TTC6: variants seen among roughly 807,000 people sequenced by gnomAD.
TTC6 encodes the protein tetratricopeptide repeat protein 6.
In TTC6, 172 loss-of-function variants were observed where a neutral mutation model predicts 210.4. The observed-to-expected ratio is 0.82, with a 90% CI of 0.72 to 0.93. The LOEUF is 0.93. TTC6 is among the 40% of genes least tolerant of loss of function. The pLI is 0.00. For missense variants in TTC6, 2,414 were observed against 2,318.1 expected (o/e 1.04, Z -0.85); for synonymous variants, 804 against 819.6 (o/e 0.98, Z 0.32).
At chr14:37,744,152 A>G (rs907702017) in intron 10 of TTC6, among the ~76,000 whole-genome samples, 2 of 152,186 alleles carry the variant, frequency 1.3e-5, no homozygotes, top group African/African-American at 2.4e-5. Flanking sequence ...GAATTCAGCA[A>G]CAATTTGATG....
chr14:37,696,624 G>A (rs1157062777), intron 3 of TTC6, 93 bp from the exon 6 acceptor site: 2 of 517,494 alleles, frequency 3.9e-6, no homozygotes, highest in African/African-American at 4.0e-5. Flanking sequence ...GAAATCTGGA[G>A]TTTAAATATT....
At position 37,598,984 on chromosome 14, in the gene TTC6, G is replaced by C. The variant is rs1428874073; in HGVS notation, c.-235+2976G>C. The stretch of plus-strand genomic sequence containing the variant: ...AGTCCTCCTTCTGCAGGGGAGAATC[G>C]GATGCAATGAAACTAAGACCTGTGG... On this transcript the variant is annotated intron_variant, in intron 1 of 2. Coordinates refer to the TTC6 transcript ENST00000556845. This position sits in a 1 kb window ranked among gnomAD's most constrained non-coding sequence, Gnocchi z 4.9. Among the ~76,000 whole-genome samples the C allele has an allele frequency of 6.9e-6, 1 of 144,936 alleles. No individual in the cohort carries two copies. The highest frequency in any genetic ancestry group is 1.5e-5 in the Non-Finnish European group (1 of 67,322).
intron 1 of TTC6, among the ~76,000 whole-genome samples, chr14:37,602,311 T>G (rs1328759784): frequency 6.6e-6 from 1 of 152,234 alleles, no homozygotes; most frequent in Non-Finnish European, 1.5e-5. Context: ...TACAAAGTAT[T>G]TTATTCTACA....
intron 20 of TTC6, among the ~76,000 whole-genome samples, chr14:37,800,152 C>T (rs575463397): frequency 1.3e-5 from 2 of 152,190 alleles, no homozygotes; most frequent in East Asian, 1.9e-4. Flanking sequence ...GCTTCAATCA[C>T]CTCAAACAGA....
At position 37,727,542 on chromosome 14, in the gene TTC6, C is replaced by T. The variant is rs546365327; in HGVS notation, c.1818+2540C>T. 6.4e-3 allele frequency among the ~76,000 whole-genome samples: 136 copies of T among 21,364 alleles called. 1 individual carries two copies. The highest frequency in any genetic ancestry group is 0.016 in the African/African-American group (134 of 8,524). 14.0% of individuals were successfully genotyped at this position (21,364 alleles called of 152,430 possible). On this transcript the variant is annotated intron_variant, in intron 7 of 30. Transcript: ENST00000553443. ...TCTCCTGACCTTGTGATCCGCCCGC[C>T]TTGGCCTCCCAAAGTTCTGGGATTA...
At chr14:37,603,395 A>G (rs1198356735) in intron 1 of TTC6, among the ~76,000 whole-genome samples, 1 of 152,200 alleles carries the variant, frequency 6.6e-6, no homozygotes, top group Non-Finnish European at 1.5e-5. Flanking sequence ...AACCCGTGTG[A>G]ACCTAAGAAG....
chr14:37,738,821 C>T (rs996820187), exon 10 of TTC6: 63 of 1,529,936 alleles, frequency 4.1e-5, no homozygotes, highest in Non-Finnish European at 5.4e-5. Flanking sequence ...GATCATAGCT[C>T]CTTTGGAAAT....
chr14:37,661,448 T>A (rs143021191), intron 1 of TTC6, among the ~76,000 whole-genome samples: 5 of 152,324 alleles, frequency 3.3e-5, no homozygotes, highest in African/African-American at 1.2e-4. Flanking sequence ...ATTGCTTGTT[T>A]TTGTAAGGTT....
intron 14 of TTC6, among the ~76,000 whole-genome samples, chr14:37,768,140 G>C (rs1299356669): frequency 6.6e-6 from 1 of 150,430 alleles, no homozygotes; most frequent in Non-Finnish European, 1.5e-5. Context: ...TGAGGGCTCT[G>C]TTCTGTTCCA....
intron 25 of TTC6, 47 bp from the exon 28 acceptor site, chr14:37,817,531 A>G (rs2096144955): frequency 5.1e-6 from 8 of 1,571,182 alleles, no homozygotes; most frequent in South Asian, 1.1e-5. Context: ...AAGATAGCAC[A>G]TAAAATAATG....
chr14:37,797,176 A>T (rs372788284), intron 20 of TTC6, among the ~76,000 whole-genome samples: 41 of 152,132 alleles, frequency 2.7e-4, no homozygotes, highest in East Asian at 2.3e-3. Context: ...TTTCCAGGTT[A>T]TATTTCAAGG....
chr14:37,701,273 C>T lies in TTC6; in HGVS notation c.1377-59C>T, dbSNP rs1396102434. ...GAACTAAATTGTCAGTATAAATGTA[C>T]TTTATATCTAAAGTCCACAAAATGA... On this transcript the variant is annotated intron_variant, in intron 4 of 30. Coordinates refer to ENST00000553443, the Ensembl canonical transcript of TTC6. The T allele has an allele frequency of 3.3e-6, 4 of 1,205,928 alleles. No individual in the cohort carries two copies. In the African/African-American group the frequency reaches 6.2e-5, roughly 19 times the overall value. 74.7% of individuals were successfully genotyped at this position (1,205,928 alleles called of 1,614,324 possible).
At position 37,622,265 on chromosome 14, in the gene TTC6, C is replaced by A. The variant is rs780575549; in HGVS notation, c.201C>A (p.Cys67Ter). 9 of 1,534,990 alleles carry A rather than the reference C, an allele frequency of 5.9e-6. No individual in the cohort carries two copies. Among genetic ancestry groups the A allele is most frequent in the Admixed American group, 2.0e-5 (1 of 50,938 alleles). The change falls in exon 1 of 31, where the codon TGC (cysteine) becomes TGA (stop). Residue 67 changes from cysteine to a stop codon, truncating the protein, a stop_gained. Transcript: ENST00000553443. LOFTEE classifies it high-confidence loss of function. Reference sequence around the variant, plus strand: ...CGGCCCGCCCCGCGCGCGTTTCCTGCGCCGCAGCCCGGACGTCGAGAAGAT... The same window carrying A: ...CGGCCCGCCCCGCGCGCGTTTCCTGAGCCGCAGCCCGGACGTCGAGAAGAT...
intron 10 of TTC6, among the ~76,000 whole-genome samples, chr14:37,745,362 C>T (rs997476621): frequency 6.6e-6 from 1 of 152,062 alleles, no homozygotes; most frequent in Admixed American, 6.5e-5. Flanking sequence ...TGGGAATTGC[C>T]ACCTATATCC....
At chr14:37,668,580 C>T (rs796696684) in intron 1 of TTC6, among the ~76,000 whole-genome samples, 6 of 135,640 alleles carry the variant, frequency 4.4e-5, no homozygotes, top group South Asian at 4.6e-4. Flanking sequence ...ATTGGCGCAT[C>T]GTTACTTTTG....
intron 1 of TTC6, among the ~76,000 whole-genome samples, chr14:37,679,015 G>T (rs1184036209): frequency 6.6e-6 from 1 of 152,046 alleles, no homozygotes; most frequent in African/African-American, 2.4e-5. Context: ...AAGGCCACAA[G>T]CTCAAGATCA....
intron 29 of TTC6, among the ~76,000 whole-genome samples, chr14:37,833,187 T>C (rs1237406739): frequency 6.6e-6 from 1 of 152,218 alleles, no homozygotes; most frequent in Admixed American, 6.5e-5. Context: ...CTAGATAATC[T>C]GTCCAATGCT....
At chr14:37,718,563 A>AG (rs1254226826) in intron 6 of TTC6, among the ~76,000 whole-genome samples, 7 of 151,878 alleles carry the variant, frequency 4.6e-5, no homozygotes, top group African/African-American at 1.7e-4. Flanking sequence ...GGGAAAAAAA[A>AG]GCTTGCAGAC....
intron 1 of TTC6, among the ~76,000 whole-genome samples, chr14:37,596,514 G>A (rs1315534379): frequency 2.6e-5 from 4 of 152,244 alleles, no homozygotes; most frequent in Non-Finnish European, 4.4e-5. Context: ...GCCCTGGGTG[G>A]TGGTTGCCCA....
Sources: allele counts gnomAD v4.1 joint callset (sites outside exome capture counted in the v4.1 genomes callset), GRCh38; gene constraint gnomAD v4.1.1; non-coding constraint Gnocchi (gnomAD v3.1); transcripts MANE v1.5; gene names NCBI Gene and HGNC (gene_info 2026-07-23, HGNC 2026-07-21).